Variants in CDKN2A observed in about 807,000 individuals in gnomAD.
CDKN2A encodes cyclin dependent kinase inhibitor 2A, also known as cyclin-dependent kinase inhibitor 2A.
CDKN2A carries 3 observed loss-of-function variants against 11.1 expected under a neutral mutation model. The observed-to-expected ratio is 0.27, with a 90% confidence interval of 0.12 to 0.70. CDKN2A has a LOEUF of 0.70. Among genes scored for constraint, CDKN2A ranks in the 30% least tolerant of loss-of-function variants. The pLI is 0.77. For synonymous variants in CDKN2A, 122 were observed against 108.1 expected (o/e 1.13, Z -0.80); for missense variants, 265 against 233.6 (o/e 1.13, Z -0.88).
At chr9:21,989,769 C>T (rs982195371) in intron 2 of CDKN2A, 4 of 152,288 alleles carry the variant, frequency 2.6e-5, no homozygotes, top group African/African-American at 9.7e-5. Flanking sequence ...CTGCTCCCAC[C>T]CCCACCGCGG....
chr9:21,994,157 G>T, intron 1 of CDKN2A: 1 of 1,602,276 alleles, frequency 6.2e-7, no homozygotes, highest in East Asian at 2.2e-5. Flanking sequence ...CTAGGAAGCG[G>T]CTGCTGCCCT....
intron 2 of CDKN2A, 134 bp downstream of exon 2, chr9:21,970,768 G>A (rs1177815423): frequency 1.1e-5 from 12 of 1,125,206 alleles, no homozygotes; most frequent in East Asian, 2.5e-5. Context: ...GACTCAGGCC[G>A]TCCCACCGAT....
chr9:21,971,000 T>A lies in CDKN2A; in HGVS notation c.359A>T (p.Glu120Val), dbSNP rs2131093071. 6.2e-7 allele frequency: 1 copy of A among 1,609,422 alleles called. No homozygotes were observed. The highest frequency in any genetic ancestry group is 8.5e-7 in the Non-Finnish European group (1 of 1,179,910). Residue 120 changes from glutamate to valine, a missense_variant, in exon 2 of 3, where the codon GAG (glutamate) becomes GTG (valine). Glu to Val is a moderately radical substitution (Grantham distance 121). Transcript: ENST00000304494. ...CCGTGCGACATCGCGATGGCCCAGCTCCTCAGCCAGGTCCACGGGCAGACG... is the reference window on the plus strand; with the variant it reads ...CCGTGCGACATCGCGATGGCCCAGCACCTCAGCCAGGTCCACGGGCAGACG... ...WGRLPVDLAEELGHRDVARYL... is the reference protein window; with the variant it reads ...WGRLPVDLAEVLGHRDVARYL...
At chr9:21,970,688 C>A (rs1024638598) in intron 2 of CDKN2A, 7 of 645,728 alleles carry the variant, frequency 1.1e-5, no homozygotes, top group African/African-American at 3.6e-5. Flanking sequence ...ACAAAATGGG[C>A]TTTCACGTGC....
At chr9:21,990,690 G>A (rs1268337851) in intron 2 of CDKN2A, among the ~76,000 whole-genome samples, 1 of 139,780 alleles carries the variant, frequency 7.2e-6, no homozygotes, top group Non-Finnish European at 1.5e-5. Flanking sequence ...AAAAAAACCT[G>A]ACTTTATAAT....
At chr9:21,994,497 G>T in intron 1 of CDKN2A, 1 of 1,332,640 alleles carries the variant, frequency 7.5e-7, no homozygotes, top group Non-Finnish European at 9.6e-7. Context: ...GAGCGCGCCC[G>T]CCCCCCACCT....
rs2131110967 is a variant in CDKN2A at position 21,974,611 on chromosome 9, C to A, written c.150+67G>T. ...ATCGAAGCGCTACCTGATTCCAATT[C>A]CCCTGCAAACTTCGTCCTCCAGAGT... is the stretch of plus-strand genomic sequence containing the variant. On this transcript the variant is annotated intron_variant, in intron 1 of 2. Transcript: ENST00000304494. The surrounding 1 kb of genome is among the most constrained non-coding windows in gnomAD (Gnocchi z 5.2). 1 of 1,614,118 alleles carries A rather than the reference C, an allele frequency of 6.2e-7. No individual in the cohort carries two copies. The highest frequency in any genetic ancestry group is 1.1e-5 in the South Asian group (1 of 91,028).
At chr9:21,986,193 C>G (rs993454353) in intron 2 of CDKN2A, among the ~76,000 whole-genome samples, 2 of 151,996 alleles carry the variant, frequency 1.3e-5, no homozygotes, top group African/African-American at 4.8e-5. Flanking sequence ...CATGTGAATG[C>G]TAAAGAAAGT....
In CDKN2A at chr9:21,988,004, G is replaced by A. The variant is rs1820340999; in HGVS notation, c.-4+5878C>T. ...AGGCAGCCCAGGTAATAATGCTGTT[G>A]TTAACCTTTGCCATACTTTTAAAAT... On this transcript the variant is annotated intron_variant, in intron 2 of 3. Coordinates refer to the CDKN2A transcript ENST00000494262. The surrounding 1 kb of genome is among the most constrained non-coding windows in gnomAD (Gnocchi z 4.1). 6.6e-6 allele frequency among the ~76,000 whole-genome samples: 1 copy of A among 152,116 alleles called. No homozygotes were observed. The highest frequency in any genetic ancestry group is 2.1e-4 in the South Asian group (1 of 4,832).
chr9:21,971,493 C>T, intron 1 of CDKN2A: 1 of 629,702 alleles, frequency 1.6e-6, no homozygotes, highest in Non-Finnish European at 2.5e-6. Context: ...GACAGACTGA[C>T]TTTTACTCCA....
At chr9:21,969,967 GC>G (rs1289182830) in intron 2 of CDKN2A, among the ~76,000 whole-genome samples, 1 of 152,128 alleles carries the variant, frequency 6.6e-6, no homozygotes, top group African/African-American at 2.4e-5. Flanking sequence ...GGAGCCCAAT[GC>G]CCCCGTTCTG....
chr9:21,994,276 C>A lies in CDKN2A; in HGVS notation c.-175-223G>T, dbSNP rs748616717. 7.5e-6 allele frequency: 12 copies of A among 1,603,876 alleles called. No homozygotes were observed. Among genetic ancestry groups the A allele is most frequent in the Non-Finnish European group, 1.0e-5 (12 of 1,176,146 alleles). Reference sequence around the variant, plus strand: ...GATGTGAACCACGAAAACCCTCACTCGCGGCGGGCCGCACGCGCGCCGAAT... The same window carrying A: ...GATGTGAACCACGAAAACCCTCACTAGCGGCGGGCCGCACGCGCGCCGAAT... On this transcript the variant is annotated intron_variant, in intron 1 of 3. Transcript: ENST00000494262.
upstream of CDKN2A, among the ~76,000 whole-genome samples, chr9:21,977,116 T>A (rs1383324699): frequency 6.6e-6 from 1 of 152,204 alleles, no homozygotes; most frequent in Non-Finnish European, 1.5e-5. Flanking sequence ...GAAAACAATT[T>A]GGGATGTCAA....
chr9:21,993,159 C>G (rs1457942663), intron 2 of CDKN2A, among the ~76,000 whole-genome samples: 2 of 152,208 alleles, frequency 1.3e-5, no homozygotes, highest in Non-Finnish European at 2.9e-5. Flanking sequence ...CCTGGCGAAG[C>G]ATACCACAAG....
Position 21,968,251 on chromosome 9 carries a change from G to A in CDKN2A, c.458-9C>T, listed in dbSNP as rs1167368771. 6.2e-7 allele frequency: 1 copy of A among 1,613,730 alleles called. No homozygotes were observed. The highest frequency in any genetic ancestry group is 1.3e-5 in the African/African-American group (1 of 74,868). On this transcript the variant is annotated splice_polypyrimidine_tract_variant and intron_variant, in intron 2 of 2. Coordinates refer to ENST00000304494, the MANE Select transcript of CDKN2A (RefSeq NM_000077.5). The surrounding 1 kb of genome is among the most constrained non-coding windows in gnomAD (Gnocchi z 4.7). ...CTTTCAATCGGGGATGTCTGCAGAG[G>A]GCAGAAAGAAAACAGGCGTTAGAAA...
In CDKN2A at chr9:21,994,133, T is replaced by A. The variant is rs2131147918; in HGVS notation, c.-175-80A>T. On this transcript the variant is annotated intron_variant, in intron 1 of 3. Coordinates refer to the CDKN2A transcript ENST00000494262. ...GCGCCCCGGACTTTTCGAGGGCCTT[T>A]CCTACCTGGTCTTCTAGGAAGCGGC... is the stretch of plus-strand genomic sequence containing the variant. 2.5e-6 allele frequency: 4 copies of A among 1,600,446 alleles called. No homozygotes were observed. The highest frequency in any genetic ancestry group is 3.4e-6 in the Non-Finnish European group (4 of 1,179,768).
chr9:21,968,182 C>G lies in CDKN2A; in HGVS notation c.*47G>C, dbSNP rs372422256. 4 of 1,586,678 alleles carry G rather than the reference C, an allele frequency of 2.5e-6. No homozygotes were observed. The South Asian group carries it at 4.4e-5, about 18-fold the overall frequency. ...TGTGGCCCTGTAGGACCTTCGGTGA[C>G]TGATGATCTAAGTTTCCCGAGGTTT... is the stretch of plus-strand genomic sequence containing the variant. On this transcript the variant is annotated 3_prime_UTR_variant, in exon 3 of 3. Coordinates refer to ENST00000304494, the MANE Select transcript of CDKN2A (RefSeq NM_000077.5). The surrounding 1 kb of genome is among the most constrained non-coding windows in gnomAD (Gnocchi z 4.7).
intron 2 of CDKN2A, among the ~76,000 whole-genome samples, chr9:21,982,862 T>G (rs1000207799): frequency 6.1e-5 from 9 of 147,384 alleles, no homozygotes; most frequent in Non-Finnish European, 1.5e-5. Context: ...TCTTTCTTCA[T>G]AATGCAGACA....
chr9:21,988,580 T>C lies in CDKN2A; in HGVS notation c.-4+5302A>G, dbSNP rs1337543622. On this transcript the variant is annotated intron_variant, in intron 2 of 3. Transcript: ENST00000494262. This position sits in a 1 kb window ranked among gnomAD's most constrained non-coding sequence, Gnocchi z 4.1. ...TAATTGGACATAAATATGAGAACAA[T>C]AGACATTGGGGACTACTAGATGGAG... is the stretch of plus-strand genomic sequence containing the variant. 3.9e-5 allele frequency among the ~76,000 whole-genome samples: 6 copies of C among 151,908 alleles called. No homozygotes were observed. The highest frequency in any genetic ancestry group is 4.8e-5 in the African/African-American group (2 of 41,322).
Sources: gnomAD v4.1 joint callset for allele counts (sites outside exome capture counted in the v4.1 genomes callset) on GRCh38, gnomAD v4.1.1 for gene constraint, Gnocchi (gnomAD v3.1) non-coding constraint, MANE v1.5 for transcripts, NCBI Gene and HGNC (gene_info 2026-07-23, HGNC 2026-07-21) for gene names.